CDH18: variants seen among roughly 807,000 people sequenced by gnomAD.
CDH18 encodes the protein cadherin 18.
In CDH18, 31 loss-of-function variants were observed where a neutral mutation model predicts 67.9. The observed-to-expected ratio is 0.46, with a 90% CI of 0.34 to 0.62. The LOEUF (loss-of-function observed/expected upper bound fraction) is 0.62. CDH18 is among the 20% of genes least tolerant of loss of function. CDH18 has a pLI of 0.01. For missense variants in CDH18, 890 were observed against 975.5 expected, an observed-to-expected ratio of 0.91 and a Z score of 1.17; for synonymous variants, 362 against 347.2, an observed-to-expected ratio of 1.04 and a Z score of -0.48.
intron 2 of CDH18, among the ~76,000 whole-genome samples, chr5:20,188,491 A>G (rs930775693): frequency 2.0e-5 from 3 of 151,954 alleles, no homozygotes. Flanking sequence ...CATCATCATC[A>G]TCATTATCTT....
At chr5:20,023,658 CAAAAAAA>C (rs58583654) in intron 2 of CDH18, among the ~76,000 whole-genome samples, 1 of 84,020 alleles carries the variant, frequency 1.2e-5, no homozygotes, top group Non-Finnish European at 2.5e-5. Flanking sequence ...GACTCCGTCT[CAAAAAAA>C]AAAAAAAAAA....
intron 2 of CDH18, among the ~76,000 whole-genome samples, chr5:19,850,180 A>C (rs1358518221): frequency 6.6e-6 from 1 of 151,966 alleles, no homozygotes; most frequent in African/African-American, 2.4e-5. Flanking sequence ...CCTGATTAAT[A>C]ATAAGTCCTT....
Position 20,117,827 on chromosome 5 carries a change from A to G in CDH18, c.-517-125813T>C, listed in dbSNP as rs1403974631. ...CTGAAGTATTTTTTGTTTAATAGGT[A>G]GCAATATTGAAAGCACAATTAACAT... On this transcript the variant is annotated intron_variant, in intron 2 of 14. Coordinates refer to the CDH18 transcript ENST00000507958. Among the ~76,000 whole-genome samples the G allele has an allele frequency of 2.0e-5, 3 of 152,206 alleles. No individual in the cohort carries two copies. In the East Asian group the frequency reaches 5.8e-4, roughly 29 times the overall value.
At chr5:19,606,978 T>C (rs1317053925) in intron 6 of CDH18, among the ~76,000 whole-genome samples, 4 of 151,678 alleles carry the variant, frequency 2.6e-5, no homozygotes, top group African/African-American at 4.8e-5. Flanking sequence ...AATTCTACAG[T>C]TGATTTTTCA....
chr5:20,192,245 G>C (rs1318646070), intron 2 of CDH18, among the ~76,000 whole-genome samples: 3 of 151,324 alleles, frequency 2.0e-5, no homozygotes, highest in Non-Finnish European at 4.4e-5. Flanking sequence ...GTAAATTCTG[G>C]ATAATAGATC....
intron 5 of CDH18, among the ~76,000 whole-genome samples, chr5:19,699,252 T>A (rs1420204002): frequency 1.3e-5 from 2 of 152,182 alleles, no homozygotes; most frequent in Non-Finnish European, 2.9e-5. Flanking sequence ...TCCTCATCCA[T>A]ATTGTCTTAT....
chr5:19,994,640 C>T (rs1317203628), intron 2 of CDH18, among the ~76,000 whole-genome samples: 1 of 139,226 alleles, frequency 7.2e-6, no homozygotes, highest in Non-Finnish European at 1.5e-5. Context: ...TCCTCACTAC[C>T]CTCTAGCAAT....
At chr5:20,556,917 A>G (rs1757936204) in intron 1 of CDH18, among the ~76,000 whole-genome samples, 1 of 152,160 alleles carries the variant, frequency 6.6e-6, no homozygotes, top group Non-Finnish European at 1.5e-5. Context: ...GGAAGGAGAT[A>G]TTACCTCATA....
intron 2 of CDH18, among the ~76,000 whole-genome samples, chr5:19,934,497 T>G (rs1194929857): frequency 6.6e-6 from 1 of 151,466 alleles, no homozygotes; most frequent in African/African-American, 2.4e-5. Flanking sequence ...CACAGACAGA[T>G]GGTTCCCTAA....
At chr5:19,692,315 G>A (rs1373295516) in intron 5 of CDH18, among the ~76,000 whole-genome samples, 1 of 152,058 alleles carries the variant, frequency 6.6e-6, no homozygotes, top group Non-Finnish European at 1.5e-5. Context: ...TTAGGACATT[G>A]GCCTAGGCCA....
chr5:20,538,154 A>G (rs1428729), intron 1 of CDH18, among the ~76,000 whole-genome samples: 67,252 of 151,882 alleles, frequency 0.44, 15,329 homozygotes, highest in East Asian at 0.57. Context: ...AAAATGCAGA[A>G]CACATCACTA....
intron 2 of CDH18, among the ~76,000 whole-genome samples, chr5:20,225,443 G>A (rs560067393): frequency 9.2e-5 from 14 of 152,194 alleles, no homozygotes; most frequent in Non-Finnish European, 1.2e-4. Context: ...AGACCTTTAC[G>A]TTTAAATAAT....
intron 5 of CDH18, among the ~76,000 whole-genome samples, chr5:19,637,376 C>G (rs1246026924): frequency 6.6e-6 from 1 of 151,890 alleles, no homozygotes; most frequent in East Asian, 1.9e-4. Flanking sequence ...CAACTCGACT[C>G]TCTATTTAAT....
At chr5:20,115,270 CTTT>C (rs753438800) in intron 2 of CDH18, among the ~76,000 whole-genome samples, 2 of 58,138 alleles carry the variant, frequency 3.4e-5, no homozygotes, top group Non-Finnish European at 5.7e-5. Flanking sequence ...AGGGCCTCAT[CTTT>C]TTTTTTTTTT....
intron 2 of CDH18, among the ~76,000 whole-genome samples, chr5:19,924,074 C>T (rs1407136553): frequency 6.6e-6 from 1 of 152,112 alleles, no homozygotes; most frequent in Admixed American, 6.5e-5. Context: ...TGGAATATAA[C>T]CCATACAATG....
intron 1 of CDH18, among the ~76,000 whole-genome samples, chr5:20,410,019 T>C (rs1746634586): frequency 6.6e-6 from 1 of 151,746 alleles, no homozygotes; most frequent in African/African-American, 2.4e-5. Flanking sequence ...AAGAAAAATC[T>C]ATAGCAGATG....
rs138838475 is a variant in CDH18 at position 20,197,307 on chromosome 5, A to G, written c.-518+58137T>C. On this transcript the variant is annotated intron_variant, in intron 2 of 14. Coordinates refer to the CDH18 transcript ENST00000507958. ...TATTAAGGCATAAGCCACCATGCAG[A>G]GCCTCTCATTTTTCTGGTATTGCAT... Among the ~76,000 whole-genome samples, 89 of 152,260 alleles carry G rather than the reference A, an allele frequency of 5.8e-4. No individual in the cohort carries two copies. In the South Asian group the frequency reaches 0.016, roughly 28 times the overall value.
chr5:19,608,511 C>A (rs530850973), intron 6 of CDH18, among the ~76,000 whole-genome samples: 6 of 151,266 alleles, frequency 4.0e-5, no homozygotes, highest in East Asian at 3.9e-4. Flanking sequence ...AGCTCCCCCC[C>A]CAAAAAAAAT....
chr5:19,500,302 A>G (rs1386014149), intron 11 of CDH18, among the ~76,000 whole-genome samples: 3 of 152,076 alleles, frequency 2.0e-5, no homozygotes, highest in Non-Finnish European at 4.4e-5. Context: ...TCATCTTTAT[A>G]CAGTATTATC....
Sources: gnomAD v4.1 joint callset for allele counts (sites outside exome capture counted in the v4.1 genomes callset) on GRCh38, gnomAD v4.1.1 for gene constraint, MANE v1.5 for transcripts, NCBI Gene and HGNC (gene_info 2026-07-23, HGNC 2026-07-21) for gene names.